The following AFF3 variants were observed in gnomAD, a reference collection of about 807,000 sequenced individuals.
AFF3 encodes the protein AF4/FMR2 family member 3.
In AFF3, 32 loss-of-function variants were observed where a neutral mutation model predicts 129.7. That is an observed-to-expected ratio of 0.25 (90% confidence interval 0.19 to 0.33). AFF3 has a LOEUF of 0.33. AFF3 is among the 10% of genes least tolerant of loss of function. The pLI is 1.00. For missense variants in AFF3, 1,373 were observed against 1,592.0 expected (o/e 0.86, Z 2.34); for synonymous variants, 644 against 635.4 (o/e 1.01, Z -0.20).
intron 4 of AFF3, among the ~76,000 whole-genome samples, chr2:100,088,444 C>T (rs1003435146): frequency 6.6e-6 from 1 of 151,842 alleles, no homozygotes; most frequent in Non-Finnish European, 1.5e-5. Context: ...TTACTCTCAA[C>T]CTGGGATATA....
intron 9 of AFF3, among the ~76,000 whole-genome samples, chr2:99,746,962 AAAAG>A (rs1048622526): frequency 3.9e-5 from 6 of 152,106 alleles, no homozygotes; most frequent in East Asian, 1.9e-4. Context: ...TAAAAAAAAA[AAAAG>A]AAAGGAAAAA....
At chr2:99,601,757 A>T in intron 13 of AFF3, 136 bp from the exon 14 acceptor site, 2 of 1,062,404 alleles carry the variant, frequency 1.9e-6, no homozygotes, top group Non-Finnish European at 1.3e-6. Context: ...CATGACCTGG[A>T]ACTCAAAGAG....
At chr2:99,876,329 C>A (rs1195751262) in intron 7 of AFF3, among the ~76,000 whole-genome samples, 1 of 152,214 alleles carries the variant, frequency 6.6e-6, no homozygotes, top group Non-Finnish European at 1.5e-5. Flanking sequence ...TCAAGCTGAA[C>A]TCTTGATCTT....
chr2:99,725,878 TC>T (rs1484539941), intron 11 of AFF3, among the ~76,000 whole-genome samples: 1 of 152,130 alleles, frequency 6.6e-6, no homozygotes, highest in Admixed American at 6.6e-5. Flanking sequence ...AAATACAACT[TC>T]CCCCAAATAG....
intron 7 of AFF3, among the ~76,000 whole-genome samples, chr2:99,880,190 G>T (rs1236998058): frequency 6.6e-6 from 1 of 152,234 alleles, no homozygotes; most frequent in Non-Finnish European, 1.5e-5. Flanking sequence ...AATATCACCT[G>T]AAGCAAGCAG....
chr2:100,057,498 C>A (rs1010937891), intron 4 of AFF3, among the ~76,000 whole-genome samples: 2 of 152,124 alleles, frequency 1.3e-5, no homozygotes, highest in African/African-American at 2.4e-5. Context: ...ATAGCATTTA[C>A]ACATATCACA....
chr2:99,977,787 G>GGTGATGACCTTCTAAGA (rs146417443), intron 7 of AFF3, among the ~76,000 whole-genome samples: 4,350 of 152,232 alleles, frequency 0.029, 123 homozygotes, highest in African/African-American at 0.071. Flanking sequence ...ACCTGTTGTG[G>GGTGATGACCTTCTAAGA]CCTTACAGGC....
intron 11 of AFF3, among the ~76,000 whole-genome samples, chr2:99,690,872 G>A (rs894912388): frequency 7.2e-5 from 11 of 151,772 alleles, no homozygotes; most frequent in Non-Finnish European, 1.5e-4. Context: ...TTCTTGGTGG[G>A]AAAGGCAGAA....
intron 7 of AFF3, among the ~76,000 whole-genome samples, chr2:99,854,017 T>G (rs1409933273): frequency 6.6e-6 from 1 of 152,198 alleles, no homozygotes; most frequent in African/African-American, 2.4e-5. Flanking sequence ...AATTCACATA[T>G]AAAAATATTA....
intron 20 of AFF3, among the ~76,000 whole-genome samples, chr2:99,563,806 G>C (rs1183089518): frequency 1.5e-5 from 1 of 67,626 alleles, no homozygotes; most frequent in Non-Finnish European, 2.7e-5. Context: ...GTGAAATTTA[G>C]TCTCAAAAAA....
At chr2:99,942,547 C>CGGGGGGGGG (rs56988005) in intron 7 of AFF3, among the ~76,000 whole-genome samples, 1 of 59,302 alleles carries the variant, frequency 1.7e-5, no homozygotes, top group Non-Finnish European at 4.2e-5. Flanking sequence ...GGGGGAGGGG[C>CGGGGGGGGG]GGGGGGGGGG....
chr2:99,840,584 C>A (rs939185237), intron 7 of AFF3, among the ~76,000 whole-genome samples: 2 of 152,132 alleles, frequency 1.3e-5, no homozygotes, highest in African/African-American at 4.8e-5. Flanking sequence ...TACTTCACAC[C>A]CTTTCCTATA....
At chr2:99,601,668 G>C (rs1252702131) in intron 13 of AFF3, 47 bp from the exon 14 acceptor site, 2 of 1,564,446 alleles carry the variant, frequency 1.3e-6, no homozygotes, top group East Asian at 4.5e-5. Context: ...GGAAAGCCAA[G>C]TGAGCAAACA....
intron 4 of AFF3, among the ~76,000 whole-genome samples, chr2:100,039,551 C>T (rs1282310575): frequency 2.0e-5 from 3 of 151,940 alleles, no homozygotes; most frequent in Non-Finnish European, 2.9e-5. Flanking sequence ...AGGGAGAACT[C>T]CTCTCTAAAA....
At chr2:99,699,049 T>C (rs1159568475) in intron 11 of AFF3, among the ~76,000 whole-genome samples, 1 of 152,214 alleles carries the variant, frequency 6.6e-6, no homozygotes, top group Non-Finnish European at 1.5e-5. Flanking sequence ...AGAATGCCAG[T>C]TCCTTACAAA....
intron 4 of AFF3, among the ~76,000 whole-genome samples, chr2:100,073,749 G>C (rs1332442372): frequency 6.6e-6 from 1 of 152,174 alleles, no homozygotes; most frequent in African/African-American, 2.4e-5. Context: ...AAAGGTTGCT[G>C]TCAAGGGCTT....
At chr2:99,809,243 A>G (rs141069748) in intron 8 of AFF3, among the ~76,000 whole-genome samples, 1 of 152,354 alleles carries the variant, frequency 6.6e-6, no homozygotes, top group Admixed American at 6.5e-5. Flanking sequence ...TTCAATAGAA[A>G]AGGAAAGTGA....
intron 8 of AFF3, among the ~76,000 whole-genome samples, chr2:99,811,097 A>C (rs1329643293): frequency 1.3e-5 from 2 of 152,300 alleles, no homozygotes; most frequent in African/African-American, 4.8e-5. Flanking sequence ...GCGGATTAGG[A>C]CATGGGAGGG....
At chr2:99,972,482 C>A (rs1006634434) in intron 7 of AFF3, among the ~76,000 whole-genome samples, 7 of 152,222 alleles carry the variant, frequency 4.6e-5, no homozygotes, top group African/African-American at 1.7e-4. Context: ...AAGAGTGACA[C>A]CACACACAGA....
Sources: gnomAD v4.1 joint callset for allele counts (sites outside exome capture counted in the v4.1 genomes callset) on GRCh38, gnomAD v4.1.1 for gene constraint, MANE v1.5 for transcripts, NCBI Gene and HGNC (gene_info 2026-07-23, HGNC 2026-07-21) for gene names.